The following CADPS2 variants were observed in gnomAD, a reference collection of about 807,000 sequenced individuals.
CADPS2 encodes the protein calcium dependent secretion activator 2.
CADPS2 carries 93 observed loss-of-function variants against 172.5 expected under a neutral mutation model. The observed-to-expected ratio is 0.54, with a 90% CI of 0.46 to 0.64. CADPS2 has a LOEUF of 0.64. Ranked by LOEUF, CADPS2 falls within the 30% of genes least tolerant of loss-of-function variation. The probability of loss-of-function intolerance (pLI) is 0.00; values close to 1 mark genes in which losing one functional copy is unlikely to be tolerated. For missense variants in CADPS2, 1,420 were observed against 1,565.9 expected (o/e 0.91, Z 1.57); for synonymous variants, 546 against 555.2 (o/e 0.98, Z 0.23).
At chr7:122,384,215 G>C (rs573927004) in intron 24 of CADPS2, among the ~76,000 whole-genome samples, 4 of 152,050 alleles carry the variant, frequency 2.6e-5, no homozygotes, top group Non-Finnish European at 5.9e-5. Context: ...TCATCATGTA[G>C]CATGTAAGAA....
rs1485904205 is a variant in CADPS2 at position 122,734,149 on chromosome 7, G to T, written c.453+2806C>A. ...AGCTCTGCTTTTAATTAGCTATGCA[G>T]TATTGGACAAGTCACTTAACTTCAT... is the stretch of plus-strand genomic sequence containing the variant. On this transcript the variant is annotated intron_variant, in intron 2 of 29. Transcript: ENST00000449022. Among the ~76,000 whole-genome samples the T allele has an allele frequency of 2.6e-5, 4 of 151,228 alleles. No individual in the cohort carries two copies. In the East Asian group the frequency reaches 7.8e-4, roughly 29 times the overall value.
chr7:122,415,809 T>A (rs569610519), intron 18 of CADPS2, among the ~76,000 whole-genome samples: 1 of 152,294 alleles, frequency 6.6e-6, no homozygotes, highest in South Asian at 2.1e-4. Flanking sequence ...GGAATAAACA[T>A]GAAATTATAC....
At chr7:122,543,216 A>G (rs1039297714) in intron 8 of CADPS2, among the ~76,000 whole-genome samples, 3 of 152,122 alleles carry the variant, frequency 2.0e-5, no homozygotes, top group African/African-American at 7.2e-5. Context: ...AATATCTAAC[A>G]GTACACTACA....
At chr7:122,885,344 G>T (rs1336756645) in intron 1 of CADPS2, among the ~76,000 whole-genome samples, 1 of 151,290 alleles carries the variant, frequency 6.6e-6, no homozygotes, top group East Asian at 2.0e-4. Context: ...TCTTTCATCA[G>T]TAATAGTATA....
intron 2 of CADPS2, among the ~76,000 whole-genome samples, chr7:122,731,290 C>T (rs1428364953): frequency 1.3e-5 from 2 of 151,380 alleles, no homozygotes; most frequent in Non-Finnish European, 3.0e-5. Context: ...TGTACAACAG[C>T]AGAACTTGAA....
intron 1 of CADPS2, among the ~76,000 whole-genome samples, chr7:122,860,822 T>A (rs1051257768): frequency 2.0e-5 from 3 of 152,186 alleles, no homozygotes; most frequent in Admixed American, 1.3e-4. Flanking sequence ...ATGCATGAGA[T>A]CATGCAGTAT....
chr7:122,496,536 T>A (rs890166857), intron 9 of CADPS2, among the ~76,000 whole-genome samples: 5 of 152,236 alleles, frequency 3.3e-5, no homozygotes, highest in African/African-American at 1.2e-4. Context: ...TTTATGTTTA[T>A]TCTAAGTTCA....
At chr7:122,695,168 G>C (rs2084910277) in intron 2 of CADPS2, among the ~76,000 whole-genome samples, 1 of 152,218 alleles carries the variant, frequency 6.6e-6, no homozygotes, top group Non-Finnish European at 1.5e-5. Flanking sequence ...GTACTGTATA[G>C]ATGGAGTGAG....
chr7:122,496,453 C>T (rs570320118), intron 9 of CADPS2, among the ~76,000 whole-genome samples: 11 of 152,196 alleles, frequency 7.2e-5, no homozygotes, highest in Admixed American at 2.6e-4. Flanking sequence ...TGAGTCACCA[C>T]GCCTGGCCTT....
intron 11 of CADPS2, among the ~76,000 whole-genome samples, chr7:122,487,515 T>C (rs1349607309): frequency 2.0e-5 from 3 of 151,904 alleles, no homozygotes; most frequent in Non-Finnish European, 2.9e-5. Flanking sequence ...AAAGAATAAA[T>C]ATGGATAGCA....
intron 1 of CADPS2, among the ~76,000 whole-genome samples, chr7:122,787,689 C>T (rs1218391311): frequency 2.0e-5 from 3 of 152,154 alleles, no homozygotes; most frequent in African/African-American, 7.2e-5. Flanking sequence ...ACATTGTAGC[C>T]TCCCACTTCT....
chr7:122,700,182 G>A (rs1020325760), intron 2 of CADPS2, among the ~76,000 whole-genome samples: 2 of 152,090 alleles, frequency 1.3e-5, no homozygotes, highest in South Asian at 2.1e-4. Flanking sequence ...AGGAAACCGA[G>A]GCCAAAGATT....
rs71161306 is a variant in CADPS2 at position 122,559,770 on chromosome 7, CAAAAA to C, written c.1336-5086_1336-5082del. On this transcript the variant is annotated intron_variant, in intron 7 of 29. Coordinates refer to ENST00000449022, the MANE Select transcript of CADPS2 (RefSeq NM_017954.11). Reference sequence around the variant, plus strand: ...TGGGTGACAGTGCGAGACTCCACCTCAAAAAAAAAAAAAAAAAAAAAAGGAAAAGA... The same window carrying C: ...TGGGTGACAGTGCGAGACTCCACCTCAAAAAAAAAAAAAAAAAGGAAAAGA... 2.1e-3 allele frequency among the ~76,000 whole-genome samples: 180 copies of C among 85,104 alleles called. 1 individual carries two copies. Among genetic ancestry groups the C allele is most frequent in the South Asian group, 7.5e-3 (17 of 2,270 alleles). The allele number at this position is 85,104 out of a possible 152,430, so 55.8% of individuals were successfully genotyped here.
intron 11 of CADPS2, among the ~76,000 whole-genome samples, chr7:122,488,730 T>C (rs958319344): frequency 6.6e-5 from 10 of 152,086 alleles, no homozygotes; most frequent in Non-Finnish European, 1.0e-4. Flanking sequence ...GGAAGAAGAG[T>C]AGGGGGAAGA....
intron 8 of CADPS2, 127 bp from the exon 9 acceptor site, chr7:122,513,442 G>T: frequency 1.5e-6 from 1 of 685,988 alleles, no homozygotes; most frequent in Non-Finnish European, 2.5e-6. Flanking sequence ...TAGCTCATTT[G>T]GAAAGTGAGA....
chr7:122,764,916 C>G (rs1771766271), intron 1 of CADPS2, among the ~76,000 whole-genome samples: 2 of 152,146 alleles, frequency 1.3e-5, no homozygotes, highest in Admixed American at 1.3e-4. Flanking sequence ...ACACTTAAAC[C>G]CACACTTGTA....
At chr7:122,726,038 T>G (rs541308014) in intron 2 of CADPS2, among the ~76,000 whole-genome samples, 3 of 151,994 alleles carry the variant, frequency 2.0e-5, no homozygotes, top group Admixed American at 6.6e-5. Context: ...TTCAAGACAG[T>G]AAATTTTAAC....
At chr7:122,617,894 T>A (rs555130713) in intron 5 of CADPS2, among the ~76,000 whole-genome samples, 7 of 152,158 alleles carry the variant, frequency 4.6e-5, no homozygotes, top group Admixed American at 6.5e-5. Flanking sequence ...ATACAAAAAA[T>A]TAGCCTGGCT....
At chr7:122,397,856 T>G (rs927996970) in intron 20 of CADPS2, among the ~76,000 whole-genome samples, 1 of 152,076 alleles carries the variant, frequency 6.6e-6, no homozygotes, top group Non-Finnish European at 1.5e-5. Flanking sequence ...CATACTCAAG[T>G]ATGAGAGAGT....
Sources: gnomAD v4.1 joint callset for allele counts (sites outside exome capture counted in the v4.1 genomes callset) on GRCh38, gnomAD v4.1.1 for gene constraint, MANE v1.5 for transcripts, NCBI Gene and HGNC (gene_info 2026-07-23, HGNC 2026-07-21) for gene names.